DLGAP4: variants seen among roughly 807,000 people sequenced by gnomAD.
The protein encoded by DLGAP4 is disks large-associated protein 4.
In DLGAP4, 18 loss-of-function variants were observed where a neutral mutation model predicts 86.9. The ratio of observed to expected loss-of-function variants is 0.21; its 90% CI spans 0.14 to 0.31. The LOEUF (loss-of-function observed/expected upper bound fraction) is 0.31, where lower values mean the gene tolerates loss of function less well. Among genes scored for constraint, DLGAP4 ranks in the 10% least tolerant of loss-of-function variants. DLGAP4 has a pLI of 1.00. For missense variants in DLGAP4, 1,085 were observed against 1,362.6 expected, an observed-to-expected ratio of 0.80 and a Z score of 3.21; for synonymous variants, 548 against 574.3, an observed-to-expected ratio of 0.95 and a Z score of 0.65.
chr20:36,436,922 C>T (rs1157252630), intron 4 of DLGAP4, among the ~76,000 whole-genome samples: 1 of 152,174 alleles, frequency 6.6e-6, no homozygotes, highest in East Asian at 1.9e-4. Context: ...CTTGTGAGCC[C>T]TCCAGGGGAA....
chr20:36,524,176 A>T, intron 10 of DLGAP4, 74 bp from the exon 11 acceptor site: 1 of 1,224,526 alleles, frequency 8.2e-7, no homozygotes, highest in Non-Finnish European at 1.2e-6. Context: ...GTGGGAGGAG[A>T]TTAAAAGCAT....
At chr20:36,358,841 A>G (rs1196214646) in intron 1 of DLGAP4, among the ~76,000 whole-genome samples, 6 of 152,220 alleles carry the variant, frequency 3.9e-5, no homozygotes, top group African/African-American at 1.4e-4. Context: ...GTTAACTTGA[A>G]GGTGCTGGTC....
rs2035898525 is a variant in DLGAP4 at position 36,496,641 on chromosome 20, G to T, written c.1649-64G>T. On this transcript the variant is annotated intron_variant, in intron 7 of 12. Transcript: ENST00000339266. The stretch of plus-strand genomic sequence containing the variant: ...AGGCAGGGCTTCTGCATTGGAAGGG[G>T]CTTGAGAGGGTTGGGGGCTTCACCA... The T allele has an allele frequency of 2.6e-6, 4 of 1,544,494 alleles. No individual in the cohort carries two copies. In the Admixed American group the frequency reaches 7.3e-5, roughly 28 times the overall value.
In DLGAP4 at chr20:36,431,496, G is replaced by A; in HGVS notation, c.-72-150G>A. ...TTTTATTTATACACAGAGTACGTGG[G>A]CCTCGGTGTGTACTCCTGTCCTCAG... On this transcript the variant is annotated intron_variant, in intron 2 of 12. Transcript: ENST00000339266. The surrounding 1 kb of genome is among the most constrained non-coding windows in gnomAD (Gnocchi z 5.1). The A allele has an allele frequency of 3.7e-6, 2 of 544,482 alleles. No homozygotes were observed. Among genetic ancestry groups the A allele is most frequent in the South Asian group, 5.8e-5 (2 of 34,628 alleles). The allele number at this position is 544,482 out of a possible 1,614,324, so 33.7% of individuals were successfully genotyped here. A position where few individuals can be genotyped will look rare whatever the true frequency, so the allele number is the denominator to read the frequency against.
In DLGAP4 at chr20:36,524,816, C is replaced by T. The variant is rs559407525; in HGVS notation, c.2604+475C>T. On this transcript the variant is annotated intron_variant, in intron 11 of 12. Coordinates refer to ENST00000339266, the MANE Select transcript of DLGAP4 (RefSeq NM_001365621.2). The stretch of plus-strand genomic sequence containing the variant: ...ACTCGGGAGGCTGAGGCAGGAGAAT[C>T]GCCTGAACCCGGGAGACAGAGGTTG... Among the ~76,000 whole-genome samples the T allele has an allele frequency of 5.5e-4, 82 of 148,548 alleles. 1 individual carries two copies. The highest frequency in any genetic ancestry group is 1.8e-3 in the African/African-American group (74 of 40,094).
chr20:36,464,352 G>A (rs1447274084), intron 7 of DLGAP4, among the ~76,000 whole-genome samples: 1 of 152,210 alleles, frequency 6.6e-6, no homozygotes, highest in Non-Finnish European at 1.5e-5. Context: ...TTGAGCTCAG[G>A]AGTTCAAGAC....
Position 36,496,966 on chromosome 20 carries a change from C to G in DLGAP4, c.1910C>G (p.Pro637Arg). ...GCCCCTGAGGCCCCAGAGCCACCCC[C>G]AAAACATGCAGCTCTGAAAAGTGAA... ...APAPEAPEPP[P>R]KHAALKSEQG... Residue 637 changes from proline to arginine, a missense_variant, in exon 8 of 13, where the codon CCA (proline) becomes CGA (arginine). Transcript: ENST00000339266. 1 of 1,614,168 alleles carries G rather than the reference C, an allele frequency of 6.2e-7. No homozygotes were observed. Among genetic ancestry groups the G allele is most frequent in the Non-Finnish European group, 8.5e-7 (1 of 1,180,024 alleles).
At chr20:36,324,861 C>T (rs1167585905) in intron 1 of DLGAP4, among the ~76,000 whole-genome samples, 2 of 152,080 alleles carry the variant, frequency 1.3e-5, no homozygotes, top group African/African-American at 2.4e-5. Context: ...TTTGATCAGA[C>T]TGGGTACATA....
chr20:36,406,124 C>T (rs952638679), intron 2 of DLGAP4, among the ~76,000 whole-genome samples: 2 of 152,114 alleles, frequency 1.3e-5, no homozygotes, highest in African/African-American at 2.4e-5. Context: ...GAAGGCCGGG[C>T]GCGGTGGCTC....
rs545321148 is a variant in DLGAP4, at chr20:36,319,058, G to A, written c.-304+12546G>A. Among the ~76,000 whole-genome samples the A allele has an allele frequency of 6.6e-5, 10 of 151,924 alleles. No individual in the cohort carries two copies. The South Asian group carries it at 1.0e-3, about 16-fold the overall frequency. ...CTCAGGAGGCTGAGGCAGGAGAATC[G>A]CTTGAACCTGGGAGGTGGAGGTTGC... On this transcript the variant is annotated intron_variant, in intron 1 of 12. Transcript: ENST00000339266.
chr20:36,409,890 CG>C (rs2032445445), intron 2 of DLGAP4, among the ~76,000 whole-genome samples: 1 of 151,246 alleles, frequency 6.6e-6, no homozygotes, highest in African/African-American at 2.4e-5. Flanking sequence ...AAAAATTAGC[CG>C]GGTATGGTGG....
At chr20:36,361,272 A>G (rs949353889) in intron 1 of DLGAP4, among the ~76,000 whole-genome samples, 50 of 152,202 alleles carry the variant, frequency 3.3e-4, no homozygotes, top group African/African-American at 1.2e-3. Context: ...GTTCAACTTT[A>G]CAAATATTTA....
intron 1 of DLGAP4, among the ~76,000 whole-genome samples, chr20:36,345,694 C>A (rs1425359787): frequency 1.3e-5 from 2 of 152,176 alleles, no homozygotes; most frequent in Non-Finnish European, 2.9e-5. Context: ...TGAGCAGAAT[C>A]CACCCACCTG....
chr20:36,420,850 G>C (rs1204672172), intron 2 of DLGAP4, among the ~76,000 whole-genome samples: 1 of 151,980 alleles, frequency 6.6e-6, no homozygotes, highest in Non-Finnish European at 1.5e-5. Flanking sequence ...GCGCATGCCT[G>C]TAATCCCAGC....
intron 2 of DLGAP4, among the ~76,000 whole-genome samples, chr20:36,387,374 T>A (rs1261889644): frequency 6.6e-6 from 1 of 152,230 alleles, no homozygotes; most frequent in African/African-American, 2.4e-5. Context: ...CTTTTTCTTA[T>A]TAATTTGTAA....
intron 7 of DLGAP4, among the ~76,000 whole-genome samples, chr20:36,477,609 A>G (rs1040174300): frequency 6.6e-6 from 1 of 152,176 alleles, no homozygotes; most frequent in Non-Finnish European, 1.5e-5. Flanking sequence ...GGACCCAAGC[A>G]TAATTCCTTC....
intron 2 of DLGAP4, among the ~76,000 whole-genome samples, chr20:36,407,938 T>C (rs2032373022): frequency 6.6e-6 from 1 of 152,048 alleles, no homozygotes; most frequent in East Asian, 1.9e-4. Flanking sequence ...CAGGAAGATG[T>C]GGACAGTGGT....
rs536772862 is a variant in DLGAP4 at position 36,390,252 on chromosome 20, G to A, written c.-73+22977G>A. 1.3e-4 allele frequency among the ~76,000 whole-genome samples: 20 copies of A among 152,284 alleles called. No individual in the cohort carries two copies. The South Asian group carries it at 3.3e-3, about 25-fold the overall frequency. On this transcript the variant is annotated intron_variant, in intron 2 of 12. Transcript: ENST00000339266. Reference sequence around the variant, plus strand: ...CAGACCCAGCCTGAGAAGGAGCGTCGTCCACAGCCTGTTACAGATAAAGAG... The same window carrying A: ...CAGACCCAGCCTGAGAAGGAGCGTCATCCACAGCCTGTTACAGATAAAGAG...
chr20:36,409,172 A>ATT (rs927359067), intron 2 of DLGAP4, among the ~76,000 whole-genome samples: 40 of 150,468 alleles, frequency 2.7e-4, no homozygotes, highest in African/African-American at 9.8e-4. Context: ...AATAGCTGGG[A>ATT]TTACAGGCAT....
Sources: allele counts gnomAD v4.1 joint callset (sites outside exome capture counted in the v4.1 genomes callset), GRCh38; gene constraint gnomAD v4.1.1; non-coding constraint Gnocchi (gnomAD v3.1); transcripts MANE v1.5; gene names NCBI Gene and HGNC (gene_info 2026-07-23, HGNC 2026-07-21).